Variants in CRYBG3 observed in about 807,000 individuals in gnomAD.
The protein encoded by CRYBG3 is very large A-kinase anchor protein.
CRYBG3 carries 127 observed loss-of-function variants against 244.2 expected under a neutral mutation model. The ratio of observed to expected loss-of-function variants is 0.52; its 90% CI spans 0.45 to 0.60. The LOEUF (loss-of-function observed/expected upper bound fraction) is 0.60. Among genes scored for constraint, CRYBG3 ranks in the 20% least tolerant of loss-of-function variants. CRYBG3 has a pLI of 0.00. For missense variants in CRYBG3, 3,325 were observed against 3,442.5 expected, an observed-to-expected ratio of 0.97 and a Z score of 0.85; for synonymous variants, 1,132 against 1,195.8, an observed-to-expected ratio of 0.95 and a Z score of 1.10.
At chr3:97,869,552 T>C (rs962778830) in intron 3 of CRYBG3, among the ~76,000 whole-genome samples, 7 of 152,204 alleles carry the variant, frequency 4.6e-5, no homozygotes, top group African/African-American at 1.7e-4. Flanking sequence ...AAACAATACA[T>C]TGGGCTCTGT....
At chr3:97,824,710 A>G (rs1188386676) in intron 1 of CRYBG3, among the ~76,000 whole-genome samples, 2 of 152,238 alleles carry the variant, frequency 1.3e-5, no homozygotes, top group African/African-American at 4.8e-5. Flanking sequence ...ACTTAGGCGT[A>G]GGCACTCAAA....
At chr3:97,929,723 C>T (rs1243054845) in intron 17 of CRYBG3, among the ~76,000 whole-genome samples, 2 of 151,920 alleles carry the variant, frequency 1.3e-5, no homozygotes, top group East Asian at 1.9e-4. Context: ...ATTGGCTTAC[C>T]TTCTTTGCCC....
chr3:97,874,027 C>T lies in CRYBG3; in HGVS notation c.2833C>T (p.Pro945Ser), dbSNP rs1387216575. ...TAAAAGTAATATATCTTGGATTTTA[C>T]CACCTATTCATGATGAAAAAATCAG... ...LLKSNISWIL[P>S]PIHDEKISRQ... The change falls in exon 4 of 22, where the codon CCA becomes TCA. Residue 945 changes from proline (P) to serine (S), a missense_variant. Pro to Ser is a moderately conservative substitution (Grantham distance 74). Transcript: ENST00000389622. The T allele has an allele frequency of 6.5e-7, 1 of 1,535,516 alleles. No homozygotes were observed. The highest frequency in any genetic ancestry group is 1.4e-5 in the African/African-American group (1 of 73,016).
At position 97,822,057 on chromosome 3, in the gene CRYBG3, C is replaced by T; in HGVS notation, c.-150C>T. On this transcript the variant is annotated 5_prime_UTR_variant, in exon 1 of 22. Transcript: ENST00000389622. ...AGGAGCGCGTCGCGTCCGCACTTCT[C>T]CTGCCCGAGAGAGACTGAGCCGCGC... 3.5e-6 allele frequency: 2 copies of T among 565,178 alleles called. No homozygotes were observed. Among genetic ancestry groups the T allele is most frequent in the Non-Finnish European group, 5.4e-6 (2 of 371,644 alleles). 35.0% of individuals were successfully genotyped at this position (565,178 alleles called of 1,614,324 possible).
In CRYBG3 at chr3:97,875,701, A is replaced by G; in HGVS notation, c.4507A>G (p.Ile1503Val). 8.1e-7 allele frequency: 1 copy of G among 1,232,430 alleles called. No homozygotes were observed. The highest frequency in any genetic ancestry group is 1.0e-6 in the Non-Finnish European group (1 of 988,250). 76.3% of individuals were successfully genotyped at this position (1,232,430 alleles called of 1,614,324 possible). Reference protein sequence around the residue: ...KSSLSDSLVCISEKNLPGHSK... With the variant: ...KSSLSDSLVCVSEKNLPGHSK... The stretch of plus-strand genomic sequence containing the variant: ...CAGTTTGTCTGATAGCCTTGTATGT[A>G]TATCTGAAAAAAACTTGCCAGGACA... The change falls in exon 4 of 22, where the codon ATA (isoleucine) becomes GTA (valine). Residue 1503 changes from isoleucine to valine, a missense_variant. Around this residue, in one of 4 missense-constraint regions of CRYBG3, gnomAD observed 635 missense variants for 771.7 expected, o/e 0.82. Transcript: ENST00000389622.
chr3:97,888,322 ACTAT>A lies in CRYBG3; in HGVS notation c.7290-14_7290-11del, dbSNP rs2039533152. On this transcript the variant is annotated splice_polypyrimidine_tract_variant and intron_variant, in intron 8 of 21. Transcript: ENST00000389622. ...AAGCAGTACTATTATACTTTAACTAACTATCTATTTTTATATAGTTGGCTTGCCT... is the reference window on the plus strand; with the variant it reads ...AAGCAGTACTATTATACTTTAACTAACTATTTTTATATAGTTGGCTTGCCT... The A allele has an allele frequency of 4.2e-6, 6 of 1,435,062 alleles. No individual in the cohort carries two copies. Among genetic ancestry groups the A allele is most frequent in the Non-Finnish European group, 5.9e-6 (6 of 1,024,724 alleles). The allele number at this position is 1,435,062 out of a possible 1,614,324, so 88.9% of individuals were successfully genotyped here.
intron 2 of CRYBG3, among the ~76,000 whole-genome samples, chr3:97,857,511 G>T (rs1229181671): frequency 1.4e-5 from 2 of 146,938 alleles, no homozygotes; most frequent in East Asian, 4.1e-4. Flanking sequence ...AATACTATTT[G>T]CTTTATGTAT....
At chr3:97,834,731 G>A (rs1217208370) in intron 1 of CRYBG3, among the ~76,000 whole-genome samples, 1 of 152,062 alleles carries the variant, frequency 6.6e-6, no homozygotes, top group Non-Finnish European at 1.5e-5. Flanking sequence ...TTTTGGCAAT[G>A]TTGCATATAT....
intron 1 of CRYBG3, 81 bp from the exon 2 acceptor site, chr3:97,843,114 A>T: frequency 1.3e-6 from 1 of 783,664 alleles, no homozygotes; most frequent in South Asian, 1.7e-5. Flanking sequence ...AGGACCTTTC[A>T]GTTTGAGTTT....
rs1355464532 is a variant in CRYBG3, at chr3:97,900,460, T to A, written c.7979T>A (p.Leu2660His). The A allele has an allele frequency of 1.0e-5, 16 of 1,554,106 alleles. No homozygotes were observed. The highest frequency in any genetic ancestry group is 1.4e-5 in the Non-Finnish European group (16 of 1,127,574). The change falls in exon 15 of 22, where the codon CTT (leucine) becomes CAT (histidine). Residue 2660 changes from leucine (L) to histidine (H), a missense_variant. Leu to His is a moderately conservative substitution (Grantham distance 99). Around this residue, in one of 4 missense-constraint regions of CRYBG3, gnomAD observed 714 missense variants for 803.6 expected, o/e 0.89. Coordinates refer to ENST00000389622, the MANE Select transcript of CRYBG3 (RefSeq NM_153605.4). ...TTTTAATATGTTTTTCAGGAACCAC[T>A]TGGGATAAATGAACCTCCGCATTTG... ...MSIRPIQLEP[L>H]GINEPPHLLK...
chr3:97,840,863 A>C (rs1334309283), intron 1 of CRYBG3, among the ~76,000 whole-genome samples: 1 of 152,062 alleles, frequency 6.6e-6, no homozygotes, highest in African/African-American at 2.4e-5. Context: ...ATTATACCCC[A>C]AATCTTTATA....
chr3:97,872,875 C>G lies in CRYBG3; in HGVS notation c.1681C>G (p.Gln561Glu). Reference sequence around the variant, plus strand: ...TGAGTCATTACCCAAAGATACTGACCAATACTTTGAAACCAAAGCCAAAAA... The same window carrying G: ...TGAGTCATTACCCAAAGATACTGACGAATACTTTGAAACCAAAGCCAAAAA... ...KIESLPKDTD[Q>E]YFETKAKKLD... Residue 561 changes from glutamine to glutamate, a missense_variant, in exon 4 of 22, where the codon CAA (glutamine) becomes GAA (glutamate). By Grantham distance (29) the Gln-to-Glu change is conservative. This residue lies in a region of CRYBG3 where 1,526 missense variants were observed against 1,443.2 expected (regional missense o/e 1.06). Transcript: ENST00000389622. 6.5e-7 allele frequency: 1 copy of G among 1,533,362 alleles called. No individual in the cohort carries two copies. Among genetic ancestry groups the G allele is most frequent in the Non-Finnish European group, 8.7e-7 (1 of 1,146,090 alleles). The allele number at this position is 1,533,362 out of a possible 1,614,324, so 95.0% of individuals were successfully genotyped here.
chr3:97,849,543 A>T (rs1297901366), intron 2 of CRYBG3, among the ~76,000 whole-genome samples: 1 of 152,158 alleles, frequency 6.6e-6, no homozygotes, highest in Non-Finnish European at 1.5e-5. Context: ...TAAGCCTGTC[A>T]TTGTGGCTGA....
At chr3:97,892,361 C>G (rs2039588399) in intron 10 of CRYBG3, among the ~76,000 whole-genome samples, 1 of 152,106 alleles carries the variant, frequency 6.6e-6, no homozygotes, top group South Asian at 2.1e-4. Context: ...TTTTTCCTTT[C>G]AAATTGACGC....
chr3:97,905,653 C>T (rs2039764340), intron 15 of CRYBG3, among the ~76,000 whole-genome samples: 1 of 150,252 alleles, frequency 6.7e-6, no homozygotes, highest in East Asian at 2.0e-4. Flanking sequence ...AGCCCTTTGT[C>T]AGATGAGTAG....
At position 97,874,138 on chromosome 3, in the gene CRYBG3, C is replaced by T; in HGVS notation, c.2944C>T (p.His982Tyr). Residue 982 changes from histidine to tyrosine, a missense_variant, in exon 4 of 22, where the codon CAC (histidine) becomes TAC (tyrosine). By Grantham distance (83) the His-to-Tyr change is moderately conservative (BLOSUM62 2). Transcript: ENST00000389622. The part of the protein sequence containing the change: ...DICGTKKISG[H>Y]SEMAELSLTN... ...TTGTGGGACTAAAAAGATTTCTGGT[C>T]ACTCAGAAATGGCGGAACTCAGCTT... 1 of 1,534,048 alleles carries T rather than the reference C, an allele frequency of 6.5e-7. No individual in the cohort carries two copies. The highest frequency in any genetic ancestry group is 8.7e-7 in the Non-Finnish European group (1 of 1,146,346).
At chr3:97,883,585 A>G (rs1039817572) in intron 7 of CRYBG3, among the ~76,000 whole-genome samples, 10 of 152,312 alleles carry the variant, frequency 6.6e-5, no homozygotes, top group African/African-American at 2.2e-4. Flanking sequence ...AGAATATATT[A>G]TAAGAAAGAG....
At chr3:97,897,330 C>A (rs2039650516) in intron 12 of CRYBG3, among the ~76,000 whole-genome samples, 1 of 151,982 alleles carries the variant, frequency 6.6e-6, no homozygotes, top group South Asian at 2.1e-4. Context: ...AATTACTGAT[C>A]CTTAAGACTT....
At chr3:97,942,088 CTG>C in intron 20 of CRYBG3, 194 bp from the exon 21 acceptor site, 1 of 390,798 alleles carries the variant, frequency 2.6e-6, no homozygotes, top group Non-Finnish European at 4.5e-6. Flanking sequence ...TGGTTTATTT[CTG>C]TACCATCTCC....
Sources: allele counts gnomAD v4.1 joint callset (sites outside exome capture counted in the v4.1 genomes callset), GRCh38; gene constraint gnomAD v4.1.1; regional missense constraint gnomAD v4.1.1; transcripts MANE v1.5; gene names NCBI Gene and HGNC (gene_info 2026-07-23, HGNC 2026-07-21).